HSPA4: variants seen among roughly 807,000 people sequenced by gnomAD.
HSPA4 encodes heat shock 70 kDa protein 4.
A neutral mutation model predicts 106.2 loss-of-function variants in HSPA4; 25 were observed. The observed-to-expected ratio is 0.24, with a 90% CI of 0.17 to 0.33. HSPA4 has a LOEUF of 0.33. Among genes scored for constraint, HSPA4 ranks in the 10% least tolerant of loss-of-function variants. HSPA4 has a pLI of 1.00. For synonymous variants in HSPA4, 332 were observed against 333.6 expected (o/e 1.00, Z 0.05); for missense variants, 841 against 996.0 (o/e 0.84, Z 2.10).
At chr5:133,097,891 A>G (rs73272737) in intron 15 of HSPA4, among the ~76,000 whole-genome samples, 3,005 of 149,560 alleles carry the variant, frequency 0.02, 96 homozygotes, top group African/African-American at 0.066. Flanking sequence ...TTTCCTGTTT[A>G]TTGTAACTCA....
chr5:133,084,827 T>C (rs1765558234), intron 7 of HSPA4, among the ~76,000 whole-genome samples: 1 of 151,998 alleles, frequency 6.6e-6, no homozygotes, highest in Non-Finnish European at 1.5e-5. Flanking sequence ...TCCCTTTTTT[T>C]TGGAGAAAGG....
At chr5:133,053,526 T>G (rs1337945927) in intron 1 of HSPA4, among the ~76,000 whole-genome samples, 1 of 152,062 alleles carries the variant, frequency 6.6e-6, no homozygotes. Flanking sequence ...TTTTATTTAT[T>G]TTTAGTAGAA....
Position 133,076,663 on chromosome 5 carries a change from A to G in HSPA4, c.673A>G (p.Thr225Ala), listed in dbSNP as rs2126704032. Residue 225 changes from threonine to alanine, a missense_variant, in exon 7 of 19, where the codon ACT becomes GCT. Physicochemically the swap from Thr to Ala is moderately conservative, Grantham distance 58. Around this residue, in one of 5 missense-constraint regions of HSPA4, gnomAD observed 347 missense variants for 408.7 expected, o/e 0.85. Transcript: ENST00000304858. ...TCATTTTTTCCTTAAGGTTCTGGCC[A>G]CTGCATTTGACACGACATTGGGAGG... ...FNRGKLKVLA[T>A]AFDTTLGGRK... The G allele has an allele frequency of 1.2e-6, 2 of 1,613,160 alleles. No individual in the cohort carries two copies. Among genetic ancestry groups the G allele is most frequent in the Non-Finnish European group, 1.7e-6 (2 of 1,179,238 alleles).
intron 7 of HSPA4, among the ~76,000 whole-genome samples, chr5:133,080,191 A>G (rs1765496205): frequency 6.6e-6 from 1 of 151,392 alleles, no homozygotes. Flanking sequence ...AGGTGGGCGG[A>G]TGGCTTGAGC....
intron 16 of HSPA4, among the ~76,000 whole-genome samples, chr5:133,100,040 TTTTA>T (rs1188545188): frequency 5.3e-5 from 8 of 151,852 alleles, no homozygotes; most frequent in South Asian, 2.1e-4. Flanking sequence ...TTTTTTATTA[TTTTA>T]TTTATTTATT....
chr5:133,104,236 C>T lies in HSPA4; in HGVS notation c.2323C>T (p.Leu775=). 1 of 1,613,480 alleles carries T rather than the reference C, an allele frequency of 6.2e-7. No individual in the cohort carries two copies. The highest frequency in any genetic ancestry group is 8.5e-7 in the Non-Finnish European group (1 of 1,179,610). The change falls in exon 19 of 19, where the codon CTG becomes TTG. Residue 775 remains leucine, a synonymous_variant. Coordinates refer to ENST00000304858, the MANE Select transcript of HSPA4 (RefSeq NM_002154.4). ...TTTTCTGTCTTACCCATTCCAGGAGCTGACAAGTACTTGTAGCCCTATAAT... is the reference window on the plus strand; with the variant it reads ...TTTTCTGTCTTACCCATTCCAGGAGTTGACAAGTACTTGTAGCCCTATAAT... ...SKEIEAKIKE[L]TSTCSPIISK...
rs10038003 is a variant in HSPA4, at chr5:133,077,629, G to A, written c.908+731G>A. Among the ~76,000 whole-genome samples the A allele has an allele frequency of 4.7e-3, 668 of 143,416 alleles. 5 individuals are homozygous for A. Among genetic ancestry groups the A allele is most frequent in the African/African-American group, 0.017 (645 of 38,210 alleles). The allele number at this position is 143,416 out of a possible 152,430, so 94.1% of individuals were successfully genotyped here. ...AAGAATTCTGGGTAATTGACATTTC[G>A]GGGTTATCCTCAGAAACTACCCAGA... On this transcript the variant is annotated intron_variant, in intron 7 of 18. Coordinates refer to ENST00000304858, the MANE Select transcript of HSPA4 (RefSeq NM_002154.4).
intron 3 of HSPA4, 85 bp downstream of exon 3, chr5:133,067,642 C>A: frequency 2.5e-6 from 3 of 1,189,206 alleles, no homozygotes; most frequent in Non-Finnish European, 2.4e-6. Context: ...TTTCTGATGT[C>A]AGATTGCAAT....
At chr5:133,074,859 A>C (rs1765427792) in intron 6 of HSPA4, among the ~76,000 whole-genome samples, 1 of 152,216 alleles carries the variant, frequency 6.6e-6, no homozygotes, top group Non-Finnish European at 1.5e-5. Flanking sequence ...ACAGTAGGGT[A>C]TAAAATTCTC....
intron 6 of HSPA4, among the ~76,000 whole-genome samples, chr5:133,075,831 A>T (rs934108657): frequency 2.0e-5 from 3 of 150,628 alleles, no homozygotes; most frequent in African/African-American, 7.4e-5. Flanking sequence ...CCCTGTCTCA[A>T]AAAAAAGAAA....
At chr5:133,084,149 A>G (rs887671394) in intron 7 of HSPA4, among the ~76,000 whole-genome samples, 15 of 152,180 alleles carry the variant, frequency 9.9e-5, no homozygotes, top group Admixed American at 2.0e-4. Flanking sequence ...CAGTCCCTAG[A>G]TTAAGTTTGC....
chr5:133,103,797 T>G (rs1765819791), intron 17 of HSPA4, 68 bp from the exon 18 acceptor site: 1 of 1,292,396 alleles, frequency 7.7e-7, no homozygotes, highest in Non-Finnish European at 1.1e-6. Context: ...TGGCAGAAAC[T>G]AGACAGTAGT....
intron 16 of HSPA4, among the ~76,000 whole-genome samples, chr5:133,100,876 G>A (rs1401413401): frequency 6.6e-6 from 1 of 152,158 alleles, no homozygotes; most frequent in Non-Finnish European, 1.5e-5. Context: ...TGTTATCACG[G>A]CTTACTGCAG....
At position 133,081,492 on chromosome 5, in the gene HSPA4, G is replaced by T. The variant is rs187733430; in HGVS notation, c.908+4594G>T. On this transcript the variant is annotated intron_variant, in intron 7 of 18. Coordinates refer to ENST00000304858, the MANE Select transcript of HSPA4 (RefSeq NM_002154.4). ...TCTTTTTTCTTTGAAGATAACTTTA[G>T]GTAGGGCCCAGTTTGCTGTGGTTCC... 1.2e-3 allele frequency among the ~76,000 whole-genome samples: 187 copies of T among 152,152 alleles called. 2 individuals are homozygous for T. In the South Asian group the frequency reaches 0.014, roughly 11 times the overall value.
intron 17 of HSPA4, among the ~76,000 whole-genome samples, chr5:133,102,509 AG>A (rs1315440152): frequency 6.6e-6 from 1 of 152,164 alleles, no homozygotes; most frequent in Non-Finnish European, 1.5e-5. Context: ...TTTATAAGGT[AG>A]GGGGTGGTAT....
chr5:133,074,414 G>T (rs1183906362), intron 6 of HSPA4, among the ~76,000 whole-genome samples: 1 of 152,058 alleles, frequency 6.6e-6, no homozygotes, highest in Non-Finnish European at 1.5e-5. Flanking sequence ...TAGTAGCTGG[G>T]ATTACGGGCA....
In HSPA4 at chr5:133,089,154, G is replaced by A. The variant is rs902604170; in HGVS notation, c.1237G>A (p.Gly413Arg). ...SLRWNSPAEE[G>R]SSDCEVFSKN... ...GAGATGGAATTCTCCAGCTGAAGAA[G>A]GGTCAAGGTATCATGTTTATTAATC... The change falls in exon 10 of 19, where the codon GGG becomes AGG. Residue 413 changes from glycine (G) to arginine (R), a missense_variant. Gly to Arg is a moderately radical substitution (Grantham distance 125). Around this residue, in one of 5 missense-constraint regions of HSPA4, gnomAD observed 162 missense variants for 177.7 expected, o/e 0.91. Coordinates refer to ENST00000304858, the MANE Select transcript of HSPA4 (RefSeq NM_002154.4). 2 of 1,548,404 alleles carry A rather than the reference G, an allele frequency of 1.3e-6. No homozygotes were observed. Among genetic ancestry groups the A allele is most frequent in the Non-Finnish European group, 1.8e-6 (2 of 1,129,740 alleles).
chr5:133,095,936 T>A (rs1345975345), intron 13 of HSPA4, among the ~76,000 whole-genome samples, 162 bp from the exon 14 acceptor site: 1 of 152,228 alleles, frequency 6.6e-6, no homozygotes, highest in African/African-American at 2.4e-5. Flanking sequence ...TTGTATTTAC[T>A]TATTTTTTAT....
chr5:133,097,205 T>G lies in HSPA4; in HGVS notation c.1848T>G (p.Asp616Glu), dbSNP rs1407686545. 6.2e-7 allele frequency: 1 copy of G among 1,611,944 alleles called. No individual in the cohort carries two copies. The change falls in exon 15 of 19, where the codon GAT becomes GAG. Residue 616 changes from aspartate to glutamate, a missense_variant. Around this residue, in one of 5 missense-constraint regions of HSPA4, gnomAD observed 328 missense variants for 372.2 expected, o/e 0.88. Transcript: ENST00000304858. ...ATAAACTGGAGAAGGAGCGGAATGATGCTAAGAACGCAGTGGAGGAATATG... is the reference window on the plus strand; with the variant it reads ...ATAAACTGGAGAAGGAGCGGAATGAGGCTAAGAACGCAGTGGAGGAATATG... Reference protein sequence around the residue: ...MQDKLEKERNDAKNAVEEYVY... With the variant: ...MQDKLEKERNEAKNAVEEYVY...
Sources: allele counts gnomAD v4.1 joint callset (sites outside exome capture counted in the v4.1 genomes callset), GRCh38; gene constraint gnomAD v4.1.1; regional missense constraint gnomAD v4.1.1; transcripts MANE v1.5; gene names NCBI Gene and HGNC (gene_info 2026-07-23, HGNC 2026-07-21).